Variants in GRIK1 observed in about 807,000 individuals in gnomAD.
GRIK1 encodes the protein glutamate receptor ionotropic, kainate 1.
In GRIK1, 69 loss-of-function variants were observed where a neutral mutation model predicts 105.7. The ratio of observed to expected loss-of-function variants is 0.65; its 90% CI spans 0.54 to 0.80. The LOEUF is 0.80. Ranked by LOEUF, GRIK1 falls within the 30% of genes least tolerant of loss-of-function variation. GRIK1 has a pLI of 0.00. For synonymous variants in GRIK1, 438 were observed against 431.3 expected, an observed-to-expected ratio of 1.02 and a Z score of -0.19; for missense variants, 1,109 against 1,167.3, an observed-to-expected ratio of 0.95 and a Z score of 0.73.
At chr21:29,653,876 T>C (rs363574) in intron 5 of GRIK1, among the ~76,000 whole-genome samples, 5,433 of 152,278 alleles carry the variant, frequency 0.036, 332 homozygotes, top group African/African-American at 0.12. Context: ...TTTTGACAAC[T>C]GTCCCAAAGC....
chr21:29,909,026 A>G (rs971815613), intron 1 of GRIK1, among the ~76,000 whole-genome samples: 3 of 152,156 alleles, frequency 2.0e-5, no homozygotes, highest in Non-Finnish European at 4.4e-5. Flanking sequence ...TAAACACATC[A>G]CTTTTTAAAA....
intron 1 of GRIK1, among the ~76,000 whole-genome samples, chr21:29,823,678 A>G (rs911806200): frequency 6.6e-6 from 1 of 151,984 alleles, no homozygotes; most frequent in African/African-American, 2.4e-5. Context: ...TATTCCAACC[A>G]TGCTGTAAGA....
chr21:29,608,334 A>C (rs2061663345), intron 7 of GRIK1, among the ~76,000 whole-genome samples: 1 of 152,178 alleles, frequency 6.6e-6, no homozygotes, highest in Non-Finnish European at 1.5e-5. Flanking sequence ...ATGGCAAAGC[A>C]TGAGTGTGTG....
At chr21:29,766,680 T>C (rs1222087088) in intron 1 of GRIK1, among the ~76,000 whole-genome samples, 1 of 152,320 alleles carries the variant, frequency 6.6e-6, no homozygotes, top group East Asian at 1.9e-4. Context: ...TAGAGACAGC[T>C]GTTCGTGAGC....
At chr21:29,819,706 G>T (rs577199547) in intron 1 of GRIK1, among the ~76,000 whole-genome samples, 1 of 152,094 alleles carries the variant, frequency 6.6e-6, no homozygotes, top group South Asian at 2.1e-4. Flanking sequence ...AACAGCAATT[G>T]TGAGGACAGA....
At chr21:29,615,652 A>G (rs2061833357) in intron 7 of GRIK1, among the ~76,000 whole-genome samples, 1 of 152,238 alleles carries the variant, frequency 6.6e-6, no homozygotes, top group Non-Finnish European at 1.5e-5. Context: ...GATACTTAAT[A>G]TAGCTAATTA....
At chr21:29,563,227 T>A (rs1342844423) in intron 14 of GRIK1, among the ~76,000 whole-genome samples, 1 of 152,178 alleles carries the variant, frequency 6.6e-6, no homozygotes, top group Non-Finnish European at 1.5e-5. Flanking sequence ...AAGCAAAAAA[T>A]GGAATACCTG....
intron 1 of GRIK1, among the ~76,000 whole-genome samples, chr21:29,928,798 A>T (rs926799195): frequency 9.9e-5 from 15 of 152,178 alleles, no homozygotes; most frequent in Non-Finnish European, 1.8e-4. Context: ...CTAGTGGAAC[A>T]AGCTACACCC....
At chr21:29,716,892 G>A (rs1379204284) in intron 1 of GRIK1, among the ~76,000 whole-genome samples, 1 of 152,236 alleles carries the variant, frequency 6.6e-6, no homozygotes, top group African/African-American at 2.4e-5. Context: ...GACCTTCACA[G>A]TAGCCCCTCC....
chr21:29,888,189 C>CTTTCTTCT (rs2069724592), intron 1 of GRIK1, among the ~76,000 whole-genome samples: 1 of 11,184 alleles, frequency 8.9e-5, no homozygotes, highest in African/African-American at 1.4e-4. Flanking sequence ...TTCTTCCTTT[C>CTTTCTTCT]TTTCTTTCTC....
At chr21:29,573,536 T>A (rs2090807333) in intron 14 of GRIK1, among the ~76,000 whole-genome samples, 3 of 139,108 alleles carry the variant, frequency 2.2e-5, no homozygotes, top group Admixed American at 2.1e-4. Context: ...GGTCAGGAGT[T>A]TGAGACAGAA....
rs377629583 is a variant in GRIK1 at position 29,561,783 on chromosome 21, C to T, written c.2197G>A (p.Val733Ile). 2.5e-6 allele frequency: 4 copies of T among 1,614,006 alleles called. No homozygotes were observed. The highest frequency in any genetic ancestry group is 4.5e-5 in the East Asian group (2 of 44,880). Residue 733 changes from valine to isoleucine, a missense_variant, in exon 15 of 18, where the codon GTA becomes ATA. This residue lies in a region of GRIK1 where 264 missense variants were observed against 306.9 expected (regional missense o/e 0.86). Transcript: ENST00000327783. ...TGGATCCCCTCATCACTGTTTCTTA[C>T]CAGGGCGGTCTGCTGCCTGCTGCTC... Reference protein sequence around the residue: ...FMSSRQQTALVRNSDEGIQRV... With the variant: ...FMSSRQQTALIRNSDEGIQRV...
At chr21:29,927,345 T>C (rs530886483) in intron 1 of GRIK1, among the ~76,000 whole-genome samples, 9 of 150,730 alleles carry the variant, frequency 6.0e-5, no homozygotes, top group African/African-American at 1.7e-4. Flanking sequence ...AGGATAATTA[T>C]AATAAATAAT....
At chr21:29,869,095 G>A (rs9979099) in intron 1 of GRIK1, among the ~76,000 whole-genome samples, 7,446 of 152,276 alleles carry the variant, frequency 0.049, 286 homozygotes, top group Non-Finnish European at 0.075. Flanking sequence ...TTCACTTGGG[G>A]AAAATTCTGG....
chr21:29,790,048 T>C (rs564825533), intron 1 of GRIK1, among the ~76,000 whole-genome samples: 1 of 152,194 alleles, frequency 6.6e-6, no homozygotes, highest in Non-Finnish European at 1.5e-5. Context: ...TTTATTTATT[T>C]ATCTATTTAT....
chr21:29,921,749 T>A (rs906470757), intron 1 of GRIK1, among the ~76,000 whole-genome samples: 1 of 152,218 alleles, frequency 6.6e-6, no homozygotes, highest in Non-Finnish European at 1.5e-5. Flanking sequence ...CTCACTTTAA[T>A]ATTGCTATAC....
chr21:29,645,734 GGTAATAGGTAAT>G (rs1453289924), intron 6 of GRIK1, among the ~76,000 whole-genome samples: 3 of 152,104 alleles, frequency 2.0e-5, no homozygotes, highest in African/African-American at 7.2e-5. Context: ...CATCATTTTA[GGTAATAGGTAAT>G]GTAATAGAAA....
intron 1 of GRIK1, among the ~76,000 whole-genome samples, chr21:29,854,121 C>T (rs2068388892): frequency 6.6e-6 from 1 of 152,078 alleles, no homozygotes; most frequent in Non-Finnish European, 1.5e-5. Flanking sequence ...AGCATGATGC[C>T]TTCTGGTGAG....
intron 1 of GRIK1, among the ~76,000 whole-genome samples, chr21:29,847,590 A>AAAAC (rs1205321740): frequency 3.9e-5 from 6 of 152,184 alleles, no homozygotes; most frequent in African/African-American, 9.7e-5. Context: ...TCTGTCTCAA[A>AAAAC]AAACAAACAA....
Sources: allele counts gnomAD v4.1 joint callset (sites outside exome capture counted in the v4.1 genomes callset), GRCh38; gene constraint gnomAD v4.1.1; regional missense constraint gnomAD v4.1.1; transcripts MANE v1.5; gene names NCBI Gene and HGNC (gene_info 2026-07-23, HGNC 2026-07-21).